Variants in DEAF1 observed in about 807,000 individuals in gnomAD.
DEAF1 encodes DEAF1 transcription factor, also known as deformed epidermal autoregulatory factor 1 homolog.
Under a neutral mutation model 58.9 loss-of-function variants are expected in DEAF1, and 53 were observed. The ratio of observed to expected loss-of-function variants is 0.90; its 90% confidence interval spans 0.72 to 1.13. The LOEUF (loss-of-function observed/expected upper bound fraction) is 1.13, where lower values mean the gene tolerates loss of function less well. Ranked by LOEUF, DEAF1 falls within the 50% of genes most tolerant of loss-of-function variation. DEAF1 has a pLI of 0.00. For missense variants in DEAF1, 685 were observed against 791.4 expected (o/e 0.87, Z 1.61); for synonymous variants, 385 against 340.4 (o/e 1.13, Z -1.44).
intron 10 of DEAF1, among the ~76,000 whole-genome samples, chr11:661,327 A>G (rs1859309634): frequency 6.6e-6 from 1 of 151,834 alleles, no homozygotes; most frequent in Non-Finnish European, 1.5e-5. Flanking sequence ...CATTACATAC[A>G]CACGAATGCA....
chr11:697,581 C>T (rs1016917612), upstream of DEAF1: 1 of 152,182 alleles, frequency 6.6e-6, no homozygotes, highest in African/African-American at 2.4e-5. Flanking sequence ...CAATCTATAA[C>T]AGTGAGCAAC....
At position 686,933 on chromosome 11, in the gene DEAF1, C is replaced by T. The variant is rs1860618248; in HGVS notation, c.729G>A (p.Met243Ile). ...NWYSPTEFEA[M>I]AGRASSKDWK... ...AGTCCTTACTGCTGGCTCTTCCTGC[C>T]ATGGCCTCAAACTCGGTGGGACTGT... Residue 243 changes from methionine to isoleucine, a missense_variant, in exon 5 of 12, where the codon ATG becomes ATA. Met to Ile is a conservative substitution (Grantham distance 10). This residue lies in a region of DEAF1 where 132 missense variants were observed against 234.3 expected (regional missense o/e 0.56). Transcript: ENST00000382409. 4.3e-6 allele frequency: 7 copies of T among 1,614,260 alleles called. No homozygotes were observed. The highest frequency in any genetic ancestry group is 5.9e-6 in the Non-Finnish European group (7 of 1,180,050).
intron 10 of DEAF1, among the ~76,000 whole-genome samples, chr11:662,140 G>A (rs1221887934): frequency 6.6e-6 from 1 of 152,152 alleles, no homozygotes; most frequent in Non-Finnish European, 1.5e-5. Context: ...CTAGCTGGGC[G>A]CAGTAGTGCG....
intron 5 of DEAF1, 78 bp from the exon 6 acceptor site, chr11:685,041 C>A: frequency 1.9e-6 from 2 of 1,040,056 alleles, no homozygotes; most frequent in Non-Finnish European, 2.9e-6. Flanking sequence ...AAGATTTCAA[C>A]CACTTTTACC....
chr11:702,911 C>A (rs543097006), intron 1 of DEAF1: 2 of 1,552,250 alleles, frequency 1.3e-6, no homozygotes, highest in African/African-American at 2.7e-5. Context: ...GAGCGCCTCG[C>A]ACCACCTTCC....
intron 10 of DEAF1, among the ~76,000 whole-genome samples, chr11:672,827 G>A (rs767320538): frequency 2.6e-5 from 4 of 151,696 alleles, no homozygotes; most frequent in South Asian, 2.1e-4. Flanking sequence ...CAGCCTGAGC[G>A]ACACAGCAAG....
chr11:667,954 A>G (rs1353084511), intron 10 of DEAF1, among the ~76,000 whole-genome samples: 1 of 151,356 alleles, frequency 6.6e-6, no homozygotes, highest in African/African-American at 2.4e-5. Context: ...TCTACCAAAA[A>G]TACAAAAATT....
At chr11:695,336 G>A (rs1861077361), upstream of DEAF1, 1 of 442,670 alleles carries the variant, frequency 2.3e-6, no homozygotes, top group Non-Finnish European at 4.0e-6. Flanking sequence ...GTTCCCCGAA[G>A]TGGGAAGCCG....
At chr11:650,291 T>G (rs1858704240) in intron 11 of DEAF1, among the ~76,000 whole-genome samples, 2 of 143,876 alleles carry the variant, frequency 1.4e-5, no homozygotes. Flanking sequence ...TGAGAATCAC[T>G]TGAACCCAGG....
intron 4 of DEAF1, among the ~76,000 whole-genome samples, 178 bp downstream of exon 4, chr11:687,733 T>C (rs1860657052): frequency 6.6e-6 from 1 of 152,036 alleles, no homozygotes; most frequent in Non-Finnish European, 1.5e-5. Flanking sequence ...TCCTGACCTC[T>C]GATCCACCCG....
In DEAF1 at chr11:679,783, G is replaced by T; in HGVS notation, c.1031C>A (p.Ser344Ter). The T allele has an allele frequency of 6.2e-7, 1 of 1,613,854 alleles. No homozygotes were observed. Among genetic ancestry groups the T allele is most frequent in the Non-Finnish European group, 8.5e-7 (1 of 1,180,048 alleles). Residue 344 changes from serine to a stop codon, truncating the protein, a stop_gained, in exon 8 of 12, where the codon TCG becomes TAG. Coordinates refer to ENST00000382409, the MANE Select transcript of DEAF1 (RefSeq NM_021008.4). LOFTEE classifies it high-confidence loss of function. ...TVTPSGQITTSGALTFDRAST... is the reference protein window; with the variant it reads ...TVTPSGQITT ...CGCTCGGTCAAAGGTCAGTGCCCCC[G>T]AGGTCGTGATCTGTCCCGAGGGGGT...
chr11:704,511 A>C lies in DEAF1; in HGVS notation c.-438+2061T>G, dbSNP rs766015612. 38 of 1,287,066 alleles carry C rather than the reference A, an allele frequency of 3.0e-5. No individual in the cohort carries two copies. In the South Asian group the frequency reaches 4.6e-4, roughly 15 times the overall value. The allele number at this position is 1,287,066 out of a possible 1,614,324, so 79.7% of individuals were successfully genotyped here. A position where few individuals can be genotyped will look rare whatever the true frequency, so the allele number is the denominator to read the frequency against. On this transcript the variant is annotated intron_variant, in intron 1 of 11. Transcript: ENST00000683307. ...CACCAGCGCCTGAGCGCCTCGGGCC[A>C]CCTCCCTCACCAGCGCCTGCACTCG... is the stretch of plus-strand genomic sequence containing the variant.
In DEAF1 at chr11:686,796, C is replaced by T. The variant is rs893948443; in HGVS notation, c.804+62G>A. On this transcript the variant is annotated intron_variant, in intron 5 of 11. Coordinates refer to ENST00000382409, the MANE Select transcript of DEAF1 (RefSeq NM_021008.4). ...GGTCTGTGCCCTCCCTCTGGCTGGG[C>T]CGCCTCAGAGGGCCCCACGTCTGAA... The T allele has an allele frequency of 4.4e-6, 7 of 1,609,076 alleles. No individual in the cohort carries two copies. The African/African-American group carries it at 8.0e-5, about 18-fold the overall frequency.
At position 662,114 on chromosome 11, in the gene DEAF1, T is replaced by C. The variant is rs1859344780; in HGVS notation, c.1504-8063A>G. ...GAGTTCAAGACCAGCCTGGCCAACA[T>C]GGCAAAATACAAAAACTAGCTGGGC... On this transcript the variant is annotated intron_variant, in intron 10 of 11. Transcript: ENST00000382409. Among the ~76,000 whole-genome samples the C allele has an allele frequency of 3.3e-5, 5 of 152,184 alleles. No homozygotes were observed. In the South Asian group the frequency reaches 1.0e-3, roughly 32 times the overall value.
intron 10 of DEAF1, among the ~76,000 whole-genome samples, chr11:660,028 G>A (rs982046966): frequency 3.9e-5 from 6 of 152,124 alleles, no homozygotes; most frequent in African/African-American, 1.4e-4. Context: ...GTCTGCCCCC[G>A]GGACCACTGT....
intron 1 of DEAF1, chr11:703,691 G>A (rs912492349): frequency 1.6e-6 from 2 of 1,232,330 alleles, no homozygotes; most frequent in African/African-American, 1.6e-5. Flanking sequence ...CTCACAGGCA[G>A]GCAGGCCCGG....
In DEAF1 at chr11:680,993, T is replaced by G. The variant is rs539882835; in HGVS notation, c.967A>C (p.Thr323Pro). 2 of 1,614,110 alleles carry G rather than the reference T, an allele frequency of 1.2e-6. No individual in the cohort carries two copies. Among genetic ancestry groups the G allele is most frequent in the Admixed American group, 3.3e-5 (2 of 59,998 alleles). ...GTAGCCGCGGTGGCTGGAAGCAATGTGATGTTCTTGGGGGAGTCCTTCTTC... is the reference window on the plus strand; with the variant it reads ...GTAGCCGCGGTGGCTGGAAGCAATGGGATGTTCTTGGGGGAGTCCTTCTTC... ...PVKKDSPKNI[T>P]LLPATAATTF... Residue 323 changes from threonine to proline, a missense_variant, in exon 7 of 12, where the codon ACA becomes CCA. This residue lies in a region of DEAF1 where 343 missense variants were observed against 379.8 expected (regional missense o/e 0.90). Transcript: ENST00000382409.
intron 9 of DEAF1, chr11:678,437 C>T: frequency 2.3e-6 from 1 of 434,924 alleles, no homozygotes; most frequent in South Asian, 2.0e-5. Context: ...CACAGGCCAA[C>T]TGGTTTCTAG....
At chr11:679,536 T>A (rs1860245331) in intron 8 of DEAF1, 152 bp downstream of exon 8, 1 of 1,196,462 alleles carries the variant, frequency 8.4e-7, no homozygotes, top group South Asian at 1.3e-5. Context: ...CCACCTGACG[T>A]GGCTCACACG....
Sources: allele counts gnomAD v4.1 joint callset (sites outside exome capture counted in the v4.1 genomes callset), GRCh38; gene constraint gnomAD v4.1.1; regional missense constraint gnomAD v4.1.1; transcripts MANE v1.5; gene names NCBI Gene and HGNC (gene_info 2026-07-23, HGNC 2026-07-21).